The following ARPC1B variants were observed in gnomAD, a reference collection of about 807,000 sequenced individuals.
ARPC1B encodes the protein actin-related protein 2/3 complex subunit 1B.
Under a neutral mutation model 46.0 loss-of-function variants are expected in ARPC1B, and 29 were observed. That is an observed-to-expected ratio of 0.63 (90% CI 0.47 to 0.86). The LOEUF is 0.86. ARPC1B is among the 40% of genes least tolerant of loss of function. The pLI is 0.00. For missense variants in ARPC1B, 469 were observed against 529.4 expected, an observed-to-expected ratio of 0.89 and a Z score of 1.12; for synonymous variants, 201 against 213.9, an observed-to-expected ratio of 0.94 and a Z score of 0.53.
chr7:99,391,302 G>A (rs769093922), intron 7 of ARPC1B, 49 bp downstream of exon 7: 82 of 1,573,284 alleles, frequency 5.2e-5, no homozygotes, highest in Non-Finnish European at 6.7e-5. Context: ...GCAGGCCTCC[G>A]AGAGAGCCCA....
intron 7 of ARPC1B, 82 bp from the exon 8 acceptor site, chr7:99,392,589 G>A: frequency 7.8e-7 from 1 of 1,282,338 alleles, no homozygotes; most frequent in South Asian, 1.6e-5. Context: ...CTGCCTCCCG[G>A]GCGGCCAGAC....
intron 1 of ARPC1B, among the ~76,000 whole-genome samples, chr7:99,378,921 C>T (rs868857771): frequency 2.8e-4 from 42 of 151,364 alleles, no homozygotes; most frequent in Non-Finnish European, 4.3e-4. Context: ...GGACTACAGG[C>T]GCCCGCCACC....
chr7:99,384,263 G>A (rs1209238907), intron 1 of ARPC1B: 1 of 152,408 alleles, frequency 6.6e-6, no homozygotes, highest in African/African-American at 2.4e-5. Context: ...CTTCAGTGCT[G>A]GGGCTAGTCT....
At chr7:99,387,256 A>T (rs2057906) in intron 3 of ARPC1B, among the ~76,000 whole-genome samples, 7,555 of 152,224 alleles carry the variant, frequency 0.05, 519 homozygotes, top group East Asian at 0.32. Context: ...ATCCTGGCCA[A>T]CATGACTAAA....
In ARPC1B at chr7:99,392,704, G is replaced by T. The variant is rs964144942; in HGVS notation, c.817G>T (p.Asp273Tyr). The T allele has an allele frequency of 3.2e-6, 5 of 1,545,770 alleles. No homozygotes were observed. The highest frequency in any genetic ancestry group is 1.2e-5 in the South Asian group (1 of 83,864). Residue 273 changes from aspartate to tyrosine, a missense_variant, in exon 8 of 10, where the codon GAC (aspartate) becomes TAC (tyrosine). Coordinates refer to ENST00000646101, the MANE Select transcript of ARPC1B (RefSeq NM_005720.4). ...CTGCTTCCCGGTGCTGTTCACCTATGACGCCGCCGCGGGGATGCTGAGCTT... is the reference window on the plus strand; with the variant it reads ...CTGCTTCCCGGTGCTGTTCACCTATTACGCCGCCGCGGGGATGCTGAGCTT... ...HDCFPVLFTY[D>Y]AAAGMLSFGG...
intron 1 of ARPC1B, among the ~76,000 whole-genome samples, chr7:99,384,954 A>ATTTTTTTTTTTTTTTT (rs753952597): frequency 1.5e-5 from 1 of 67,420 alleles, no homozygotes; most frequent in Non-Finnish European, 2.7e-5. Context: ...CACCTGGCTA[A>ATTTTTTTTTTTTTTTT]TTTTTTTTTT....
At chr7:99,393,014 T>C in intron 8 of ARPC1B, 138 bp downstream of exon 8, 2 of 965,156 alleles carry the variant, frequency 2.1e-6, no homozygotes. Context: ...GGAGGGAGGG[T>C]AGGCGTGCCC....
chr7:99,377,637 T>G (rs1346514146), intron 1 of ARPC1B, among the ~76,000 whole-genome samples: 3 of 151,330 alleles, frequency 2.0e-5, no homozygotes, highest in African/African-American at 4.9e-5. Flanking sequence ...TTCTTCTTTT[T>G]TTTTTTTATT....
chr7:99,393,684 G>A lies in ARPC1B; in HGVS notation c.990-345G>A, dbSNP rs559323410. On this transcript the variant is annotated intron_variant, in intron 8 of 9. Transcript: ENST00000646101. ...CCTCCTGTGTCCGCCAGATCCGATG[G>A]CTTCCTCAGATGAAACACCTTTGTC... 2.6e-5 allele frequency among the ~76,000 whole-genome samples: 4 copies of A among 152,282 alleles called. No individual in the cohort carries two copies. The East Asian group carries it at 5.8e-4, about 22-fold the overall frequency.
At chr7:99,391,374 C>T (rs1794567031) in intron 7 of ARPC1B, 121 bp downstream of exon 7, 7 of 1,063,960 alleles carry the variant, frequency 6.6e-6, no homozygotes, top group South Asian at 3.0e-5. Context: ...CTTGCATTCT[C>T]TCATGTACCA....
chr7:99,392,970 G>A, intron 8 of ARPC1B, 94 bp downstream of exon 8: 1 of 1,303,958 alleles, frequency 7.7e-7, no homozygotes, highest in Non-Finnish European at 1.0e-6. Flanking sequence ...TTCCTCCTGG[G>A]GCATTGTGCT....
chr7:99,377,632 CT>C (rs201173165), intron 1 of ARPC1B, among the ~76,000 whole-genome samples: 6,287 of 140,204 alleles, frequency 0.045, 469 homozygotes, highest in East Asian at 0.33. Context: ...TCTTCTTCTT[CT>C]TTTTTTTTTT....
chr7:99,388,376 G>A, intron 4 of ARPC1B, 115 bp downstream of exon 4: 1 of 1,007,444 alleles, frequency 9.9e-7, no homozygotes. Flanking sequence ...CCCTGGGGGA[G>A]TCCATCCTCT....
intron 1 of ARPC1B, chr7:99,377,303 C>G (rs888049986): frequency 6.6e-6 from 1 of 150,782 alleles, no homozygotes; most frequent in Non-Finnish European, 1.5e-5. Context: ...CTGCCTTATA[C>G]GTGCTTTCTT....
intron 1 of ARPC1B, among the ~76,000 whole-genome samples, chr7:99,385,292 A>AG (rs1350228220): frequency 1.2e-3 from 13 of 10,658 alleles, no homozygotes; most frequent in African/African-American, 2.6e-3. Context: ...TTAATGGGGC[A>AG]GGGGAAGTTG....
rs535401886 is a variant in ARPC1B at position 99,383,481 on chromosome 7, GTC to G, written c.-13-2217_-13-2216del. On this transcript the variant is annotated intron_variant, in intron 1 of 9. Coordinates refer to ENST00000646101, the MANE Select transcript of ARPC1B (RefSeq NM_005720.4). ...CGAGAACAAGATAGAACAAAAATGT[GTC>G]TCTGCCAAGCTGGTTCTATTCCAGC... Among the ~76,000 whole-genome samples the G allele has an allele frequency of 9.7e-4, 147 of 152,326 alleles. 1 individual carries two copies. Among genetic ancestry groups the G allele is most frequent in the African/African-American group, 3.4e-3 (140 of 41,562 alleles).
chr7:99,392,707 G>A lies in ARPC1B; in HGVS notation c.820G>A (p.Ala274Thr), dbSNP rs960452758. 47 of 1,545,754 alleles carry A rather than the reference G, an allele frequency of 3.0e-5. No homozygotes were observed. The highest frequency in any genetic ancestry group is 1.7e-4 in the Middle Eastern group (1 of 5,820). Reference protein sequence around the residue: ...DCFPVLFTYDAAAGMLSFGGR... With the variant: ...DCFPVLFTYDTAAGMLSFGGR... ...CTTCCCGGTGCTGTTCACCTATGAC[G>A]CCGCCGCGGGGATGCTGAGCTTCGG... is the stretch of plus-strand genomic sequence containing the variant. The change falls in exon 8 of 10, where the codon GCC (alanine) becomes ACC (threonine). Residue 274 changes from alanine to threonine, a missense_variant. Ala to Thr is a moderately conservative substitution (Grantham distance 58). Coordinates refer to ENST00000646101, the MANE Select transcript of ARPC1B (RefSeq NM_005720.4).
intron 1 of ARPC1B, among the ~76,000 whole-genome samples, chr7:99,377,610 GCTTCTT>G (rs34058988): frequency 3.2e-4 from 48 of 150,240 alleles, no homozygotes; most frequent in Non-Finnish European, 4.0e-4. Flanking sequence ...ACCGCGCCCA[GCTTCTT>G]CTTCTTCTTC....
chr7:99,383,520 G>A (rs754162748), intron 1 of ARPC1B, among the ~76,000 whole-genome samples: 6 of 152,224 alleles, frequency 3.9e-5, no homozygotes, highest in Non-Finnish European at 7.3e-5. Context: ...GGGGAGGAAG[G>A]CAGCGGGCCA....
Sources: gnomAD v4.1 joint callset for allele counts (sites outside exome capture counted in the v4.1 genomes callset) on GRCh38, gnomAD v4.1.1 for gene constraint, MANE v1.5 for transcripts, NCBI Gene and HGNC (gene_info 2026-07-23, HGNC 2026-07-21) for gene names.